PVT1: variants seen among roughly 807,000 people sequenced by gnomAD.
PVT1 encodes the protein Pvt1 oncogene.
intron 4 of PVT1, among the ~76,000 whole-genome samples, chr8:128,067,755 G>T (rs1273036628): frequency 6.6e-6 from 1 of 152,244 alleles, no homozygotes; most frequent in Non-Finnish European, 1.5e-5. Context: ...CGACCAGGGA[G>T]GGGGCTGGAG....
At chr8:127,919,221 TG>T (rs1816027194) in intron 3 of PVT1, among the ~76,000 whole-genome samples, 1 of 152,224 alleles carries the variant, frequency 6.6e-6, no homozygotes, top group Non-Finnish European at 1.5e-5. Context: ...AAGTAGTATT[TG>T]GGCTGTTATG....
At chr8:127,851,695 C>G (rs1209439896) in intron 2 of PVT1, among the ~76,000 whole-genome samples, 1 of 152,052 alleles carries the variant, frequency 6.6e-6, no homozygotes, top group Non-Finnish European at 1.5e-5. Context: ...TGAATCTGCA[C>G]CTGGGGTCCA....
chr8:128,032,808 G>A (rs1269858602), intron 4 of PVT1, among the ~76,000 whole-genome samples: 1 of 152,172 alleles, frequency 6.6e-6, no homozygotes, highest in Non-Finnish European at 1.5e-5. Flanking sequence ...ACTAGCTGGG[G>A]GAATGTCGTT....
At chr8:128,046,385 C>T (rs780234053) in intron 4 of PVT1, among the ~76,000 whole-genome samples, 5 of 152,320 alleles carry the variant, frequency 3.3e-5, no homozygotes, top group African/African-American at 1.2e-4. Flanking sequence ...ACTTGTTCAA[C>T]CTGGGAATGG....
At chr8:127,866,005 G>T (rs1815282965) in intron 2 of PVT1, among the ~76,000 whole-genome samples, 1 of 152,224 alleles carries the variant, frequency 6.6e-6, no homozygotes, top group East Asian at 1.9e-4. Context: ...AAAGGGGCTT[G>T]CATAAATTCA....
At chr8:127,807,721 G>T (rs1037111417) in intron 2 of PVT1, among the ~76,000 whole-genome samples, 8 of 152,206 alleles carry the variant, frequency 5.3e-5, no homozygotes, top group African/African-American at 1.7e-4. Flanking sequence ...AAATACATAT[G>T]ACAAGATGTT....
At chr8:127,919,716 C>T (rs764814350) in intron 3 of PVT1, among the ~76,000 whole-genome samples, 3 of 152,224 alleles carry the variant, frequency 2.0e-5, no homozygotes, top group Non-Finnish European at 2.9e-5. Flanking sequence ...TCTGGCCTCA[C>T]TCACTGTGGC....
chr8:128,081,929 G>A (rs930825408), intron 5 of PVT1, among the ~76,000 whole-genome samples: 3 of 152,132 alleles, frequency 2.0e-5, no homozygotes, highest in African/African-American at 7.2e-5. Flanking sequence ...AGACAAGCTG[G>A]AAGATTCTTA....
intron 2 of PVT1, among the ~76,000 whole-genome samples, chr8:127,871,827 G>A (rs1191667986): frequency 6.6e-6 from 1 of 152,166 alleles, no homozygotes; most frequent in Non-Finnish European, 1.5e-5. Context: ...AGTGGCTCAC[G>A]CCTGTAATCC....
chr8:128,042,150 C>T (rs1295252010), intron 4 of PVT1, among the ~76,000 whole-genome samples: 3 of 152,136 alleles, frequency 2.0e-5, no homozygotes, highest in African/African-American at 7.2e-5. Context: ...GGGACAGGGT[C>T]ATTTGAACTC....
At chr8:127,907,863 G>C (rs889189210) in intron 3 of PVT1, among the ~76,000 whole-genome samples, 3 of 152,110 alleles carry the variant, frequency 2.0e-5, no homozygotes, top group Admixed American at 2.0e-4. Flanking sequence ...GGGATGGGAG[G>C]GGGGTAGCTG....
At chr8:128,016,691 G>A (rs1396209842) in intron 4 of PVT1, among the ~76,000 whole-genome samples, 2 of 152,210 alleles carry the variant, frequency 1.3e-5, no homozygotes, top group Admixed American at 6.5e-5. Flanking sequence ...TGAGGGAGAC[G>A]AAGATGAGTC....
intron 2 of PVT1, among the ~76,000 whole-genome samples, chr8:127,825,189 G>C (rs1814773968): frequency 6.7e-6 from 1 of 149,910 alleles, no homozygotes. Context: ...TGAGTGTTTT[G>C]GTGTATATGT....
chr8:128,081,909 C>T (rs553522776), intron 5 of PVT1, among the ~76,000 whole-genome samples: 3 of 152,338 alleles, frequency 2.0e-5, no homozygotes, highest in Non-Finnish European at 2.9e-5. Flanking sequence ...TGACTCGCTA[C>T]ATTCAAGCAA....
At chr8:127,981,843 T>G (rs556814639) in intron 3 of PVT1, among the ~76,000 whole-genome samples, 1 of 152,316 alleles carries the variant, frequency 6.6e-6, no homozygotes, top group African/African-American at 2.4e-5. Flanking sequence ...ATTATCTTCT[T>G]CAGTCCTCCC....
intron 2 of PVT1, among the ~76,000 whole-genome samples, chr8:127,801,166 A>G (rs368115682): frequency 6.6e-6 from 1 of 152,202 alleles, no homozygotes; most frequent in East Asian, 1.9e-4. Flanking sequence ...GCAGCCTCAC[A>G]GAGAGCCTGC....
At chr8:128,029,242 C>T (rs1813360086) in intron 4 of PVT1, among the ~76,000 whole-genome samples, 1 of 152,050 alleles carries the variant, frequency 6.6e-6, no homozygotes, top group African/African-American at 2.4e-5. Flanking sequence ...CCTACCTCAG[C>T]CTTCCAAGTA....
chr8:127,934,260 C>A (rs1163728972), intron 3 of PVT1, among the ~76,000 whole-genome samples: 1 of 152,190 alleles, frequency 6.6e-6, no homozygotes, highest in Non-Finnish European at 1.5e-5. Context: ...CAGGGTTTAA[C>A]AAAAATTTAT....
chr8:127,938,214 C>T (rs1304983328), intron 3 of PVT1, among the ~76,000 whole-genome samples: 1 of 152,160 alleles, frequency 6.6e-6, no homozygotes, highest in Non-Finnish European at 1.5e-5. Flanking sequence ...CAGCGGGGGC[C>T]ACAAAGAGGC....
Sources: allele counts gnomAD v4.1 joint callset (sites outside exome capture counted in the v4.1 genomes callset), GRCh38; gene constraint gnomAD v4.1.1; transcripts MANE v1.5; gene names NCBI Gene and HGNC (gene_info 2026-07-23, HGNC 2026-07-21).